Variants in ASIC4 observed in about 807,000 individuals in gnomAD.
ASIC4 encodes acid sensing ion channel subunit family member 4.
In ASIC4, 28 loss-of-function variants were observed where a neutral mutation model predicts 53.4. That is an observed-to-expected ratio of 0.52 (90% CI 0.39 to 0.72). The LOEUF is 0.72. ASIC4 is among the 30% of genes least tolerant of loss of function. The pLI, the probability that ASIC4 is intolerant of heterozygous loss-of-function variation, is 0.00. For missense variants in ASIC4, 649 were observed against 729.7 expected (o/e 0.89, Z 1.27); for synonymous variants, 289 against 301.4 (o/e 0.96, Z 0.43).
chr2:219,532,737 T>G, intron 4 of ASIC4, 146 bp from the exon 5 acceptor site: 1 of 888,532 alleles, frequency 1.1e-6, no homozygotes, highest in Non-Finnish European at 1.7e-6. Flanking sequence ...TGGTTGCGTA[T>G]TTGTGGGGGT....
chr2:219,531,671 G>C (rs538668686), intron 1 of ASIC4, 87 bp from the exon 2 acceptor site: 20 of 1,442,764 alleles, frequency 1.4e-5, no homozygotes, highest in Non-Finnish European at 1.5e-5. Flanking sequence ...AGCAGATCTG[G>C]TGGCCCTCAG....
rs1390587529 is a variant in ASIC4, at chr2:219,537,076, C to G, written c.1240C>G (p.Leu414Val). The change falls in exon 7 of 10, where the codon CTG becomes GTG. Residue 414 changes from leucine (L) to valine (V), a missense_variant. Leu to Val is a conservative substitution (Grantham distance 32, BLOSUM62 1). Transcript: ENST00000358078. This position sits in a 1 kb window ranked among gnomAD's most constrained non-coding sequence, Gnocchi z 4.9. ...TTCCTGTCTCCACAGGGAGAACTTC[C>G]TGGTCCTAGATGTCTTCTTTGAGGC... ...RNETYIRENFLVLDVFFEALT... is the reference protein window; with the variant it reads ...RNETYIRENFVVLDVFFEALT... The G allele has an allele frequency of 6.2e-7, 1 of 1,614,062 alleles. No homozygotes were observed. The highest frequency in any genetic ancestry group is 1.7e-5 in the Admixed American group (1 of 60,022).
intron 5 of ASIC4, chr2:219,534,153 A>G (rs954548637): frequency 7.2e-5 from 11 of 152,112 alleles, no homozygotes; most frequent in African/African-American, 2.7e-4. Context: ...ACTCAAAGCC[A>G]GGGACTGGCG....
intron 1 of ASIC4, among the ~76,000 whole-genome samples, chr2:219,524,297 C>A (rs1307772813): frequency 6.6e-6 from 1 of 152,228 alleles, no homozygotes; most frequent in African/African-American, 2.4e-5. Context: ...TTTGAACATT[C>A]ACCAGTTCTT....
At chr2:219,532,201 C>T in intron 3 of ASIC4, 73 bp downstream of exon 3, 1 of 1,603,392 alleles carries the variant, frequency 6.2e-7, no homozygotes, top group Non-Finnish European at 8.5e-7. Flanking sequence ...GTGGAGCAAA[C>T]CTGCCCTCTA....
chr2:219,535,854 C>T (rs892446276), intron 6 of ASIC4, among the ~76,000 whole-genome samples: 1 of 149,940 alleles, frequency 6.7e-6, no homozygotes, highest in Non-Finnish European at 1.5e-5. Flanking sequence ...CTCACTGCAA[C>T]CTCGACCTCC....
rs115399886 is a variant in ASIC4 at position 219,521,512 on chromosome 2, G to A, written c.582+6206G>A. ...TGCCTCTGCTAGGTCCAGGCAGGGG[G>A]CAGGAAGGATCAGGAATGGAGAGGC... On this transcript the variant is annotated intron_variant, in intron 1 of 9. Transcript: ENST00000358078. Among the ~76,000 whole-genome samples the A allele has an allele frequency of 8.1e-3, 1,233 of 152,276 alleles. 16 individuals are homozygous for A. Among genetic ancestry groups the A allele is most frequent in the African/African-American group, 0.029 (1,196 of 41,546 alleles).
chr2:219,529,748 G>T (rs1695010883), intron 1 of ASIC4, among the ~76,000 whole-genome samples: 1 of 152,184 alleles, frequency 6.6e-6, no homozygotes, highest in African/African-American at 2.4e-5. Context: ...GTACTGAGGG[G>T]ATGTGTGCAA....
Position 219,531,872 on chromosome 2 carries a change from G to T in ASIC4, c.697G>T (p.Glu233Ter). ...GLEIMLDIQQ[E>*]EYLPIWRETN... ...GGAGATCATGCTGGACATCCAGCAG[G>T]AGGAGTACCTGCCCATCTGGAGGGA... Residue 233 changes from glutamate to a stop codon, truncating the protein, a stop_gained, in exon 2 of 10, where the codon GAG (glutamate) becomes TAG (stop). Coordinates refer to ENST00000358078, the MANE Select transcript of ASIC4 (RefSeq NM_018674.6). LOFTEE classifies it high-confidence loss of function. 6.2e-7 allele frequency: 1 copy of T among 1,613,034 alleles called. No individual in the cohort carries two copies. Among genetic ancestry groups the T allele is most frequent in the Non-Finnish European group, 8.5e-7 (1 of 1,179,388 alleles).
In ASIC4 at chr2:219,537,868, GT is replaced by G; in HGVS notation, c.1507-64del. 1 of 1,494,522 alleles carries G rather than the reference GT, an allele frequency of 6.7e-7. No individual in the cohort carries two copies. Among genetic ancestry groups the G allele is most frequent in the African/African-American group, 1.4e-5 (1 of 72,644 alleles). 92.6% of individuals were successfully genotyped at this position (1,494,522 alleles called of 1,614,324 possible). A position where few individuals can be genotyped will look rare whatever the true frequency, so the allele number is the denominator to read the frequency against. Reference sequence around the variant, plus strand: ...CCGAGGTGACAAGGAAAGGCTGGCGGTGTGAGCCCTGGGGGCACCACTTGAG... The same window carrying G: ...CCGAGGTGACAAGGAAAGGCTGGCGGGTGAGCCCTGGGGGCACCACTTGAG... On this transcript the variant is annotated intron_variant, in intron 9 of 9. Coordinates refer to ENST00000358078, the MANE Select transcript of ASIC4 (RefSeq NM_018674.6). This position sits in a 1 kb window ranked among gnomAD's most constrained non-coding sequence, Gnocchi z 4.9.
At chr2:219,508,948 C>T in the ASIC4 span, among the ~76,000 whole-genome samples, 1 of 151,804 alleles carries the variant, frequency 6.6e-6, no homozygotes, top group Non-Finnish European at 1.5e-5. Context: ...GTCCCTGGCA[C>T]CAAGCTGGAT....
At chr2:219,510,499 G>A (rs1694687071), upstream of ASIC4, among the ~76,000 whole-genome samples, 1 of 152,160 alleles carries the variant, frequency 6.6e-6, no homozygotes, top group Non-Finnish European at 1.5e-5. This position sits in a 1 kb window ranked among gnomAD's most constrained non-coding sequence, Gnocchi z 5.2. Context: ...GTCCATCCCA[G>A]CCCTCCCCCG....
At chr2:219,509,942 G>A (rs1457129479), upstream of ASIC4, among the ~76,000 whole-genome samples, 6 of 151,756 alleles carry the variant, frequency 4.0e-5, no homozygotes, top group East Asian at 3.9e-4. This position sits in a 1 kb window ranked among gnomAD's most constrained non-coding sequence, Gnocchi z 5.2. Context: ...AAATCCGCCC[G>A]TTCTCGATCC....
chr2:219,536,879 C>T lies in ASIC4; in HGVS notation c.1230-187C>T, dbSNP rs1341427531. On this transcript the variant is annotated intron_variant, in intron 6 of 9. Transcript: ENST00000358078. The surrounding 1 kb of genome is among the most constrained non-coding windows in gnomAD (Gnocchi z 4.6). ...TTTTGCTCTCCCAGGCCCTTTGCTA[C>T]CCCTCAAAAGATGAAGCTAACACAC... Among the ~76,000 whole-genome samples, 1 of 152,156 alleles carries T rather than the reference C, an allele frequency of 6.6e-6. No homozygotes were observed. Among genetic ancestry groups the T allele is most frequent in the Non-Finnish European group, 1.5e-5 (1 of 68,032 alleles).
At chr2:219,532,162 C>T in intron 3 of ASIC4, 34 bp downstream of exon 3, 1 of 1,612,888 alleles carries the variant, frequency 6.2e-7, no homozygotes, top group Non-Finnish European at 8.5e-7. Flanking sequence ...GGATTGGGCA[C>T]AGGGCTCGCC....
chr2:219,525,698 G>T (rs961152795), intron 1 of ASIC4, among the ~76,000 whole-genome samples: 4 of 152,184 alleles, frequency 2.6e-5, no homozygotes, highest in African/African-American at 9.7e-5. Context: ...TGGATACTGG[G>T]CCACCCCTGA....
In ASIC4 at chr2:219,531,984, C is replaced by G; in HGVS notation, c.728-17C>G. The G allele has an allele frequency of 6.2e-7, 1 of 1,614,096 alleles. No homozygotes were observed. The highest frequency in any genetic ancestry group is 8.5e-7 in the Non-Finnish European group (1 of 1,179,928). On this transcript the variant is annotated splice_polypyrimidine_tract_variant and intron_variant, in intron 2 of 9. Coordinates refer to ENST00000358078, the MANE Select transcript of ASIC4 (RefSeq NM_018674.6). ...GCCTGGGATGGGTTTCCAAAGGTCC[C>G]CATCTCTGCTGTGCAGATGAGACGT...
chr2:219,511,401 C>G (rs907460976), upstream of ASIC4, among the ~76,000 whole-genome samples: 23 of 151,548 alleles, frequency 1.5e-4, no homozygotes, highest in Non-Finnish European at 1.3e-4. This position sits in a 1 kb window ranked among gnomAD's most constrained non-coding sequence, Gnocchi z 5.3. Context: ...TGCCCCCCCC[C>G]CACATTCTGC....
At chr2:219,511,877 G>C (rs1159848057), upstream of ASIC4, among the ~76,000 whole-genome samples, 1 of 152,110 alleles carries the variant, frequency 6.6e-6, no homozygotes, top group African/African-American at 2.4e-5. The surrounding 1 kb of genome is among the most constrained non-coding windows in gnomAD (Gnocchi z 5.3). Flanking sequence ...CGGGCAGAGA[G>C]GGAGGCAGGC....
Sources: allele counts gnomAD v4.1 joint callset (sites outside exome capture counted in the v4.1 genomes callset), GRCh38; gene constraint gnomAD v4.1.1; non-coding constraint Gnocchi (gnomAD v3.1); transcripts MANE v1.5; gene names NCBI Gene and HGNC (gene_info 2026-07-23, HGNC 2026-07-21).